The following PCDH15 variants were observed in gnomAD, a reference collection of about 807,000 sequenced individuals.
PCDH15 encodes protocadherin related 15, also known as protocadherin-15.
Under a neutral mutation model 178.5 loss-of-function variants are expected in PCDH15, and 129 were observed. That is an observed-to-expected ratio of 0.72 (90% CI 0.63 to 0.84). The LOEUF is 0.84. Ranked by LOEUF, PCDH15 falls within the 40% of genes least tolerant of loss-of-function variation. The pLI, the probability that PCDH15 is intolerant of heterozygous loss-of-function variation, is 0.00. For missense variants in PCDH15, 2,230 were observed against 2,099.9 expected, an observed-to-expected ratio of 1.06 and a Z score of -1.21; for synonymous variants, 800 against 732.0, an observed-to-expected ratio of 1.09 and a Z score of -1.50.
At chr10:55,535,975 AT>A (rs961635881) in intron 2 of PCDH15, among the ~76,000 whole-genome samples, 26 of 152,164 alleles carry the variant, frequency 1.7e-4, no homozygotes, top group Admixed American at 3.9e-4. Flanking sequence ...CATTTTAAAA[AT>A]ATATATATTT....
chr10:54,323,948 A>G (rs1417596857), intron 7 of PCDH15, among the ~76,000 whole-genome samples: 1 of 152,138 alleles, frequency 6.6e-6, no homozygotes, highest in Non-Finnish European at 1.5e-5. Flanking sequence ...TATGCAAACC[A>G]GTAGACAGAA....
intron 21 of PCDH15, among the ~76,000 whole-genome samples, chr10:53,980,380 A>G (rs1327828277): frequency 1.3e-5 from 2 of 152,172 alleles, no homozygotes; most frequent in Non-Finnish European, 2.9e-5. Flanking sequence ...ATATTTTAAA[A>G]ATGTGTGGGA....
intron 2 of PCDH15, among the ~76,000 whole-genome samples, chr10:54,908,530 C>CA (rs1954764564): frequency 6.6e-6 from 1 of 152,182 alleles, no homozygotes; most frequent in Non-Finnish European, 1.5e-5. Flanking sequence ...TCACCTGCAA[C>CA]ATGGCAGGCA....
intron 2 of PCDH15, among the ~76,000 whole-genome samples, chr10:55,419,967 C>A (rs568548074): frequency 2.0e-5 from 3 of 151,508 alleles, no homozygotes; most frequent in Non-Finnish European, 3.0e-5. Flanking sequence ...GGCTCATTAG[C>A]GAAAATTAAT....
chr10:54,843,474 G>C (rs1564561002), intron 3 of PCDH15, among the ~76,000 whole-genome samples: 1 of 151,948 alleles, frequency 6.6e-6, no homozygotes, highest in East Asian at 1.9e-4. Context: ...CTGACAGGCT[G>C]ACACTTGATC....
chr10:54,706,495 G>A (rs1329814106), intron 1 of PCDH15, among the ~76,000 whole-genome samples: 5 of 152,208 alleles, frequency 3.3e-5, no homozygotes, highest in South Asian at 4.1e-4. Flanking sequence ...GATGGTATGG[G>A]ATAGTAATAT....
chr10:54,192,182 G>GAA (rs1564643830), intron 11 of PCDH15, among the ~76,000 whole-genome samples: 1 of 132,526 alleles, frequency 7.5e-6, no homozygotes, highest in African/African-American at 3.5e-5. Context: ...AAAAGAAAGA[G>GAA]AAAGAAAGAA....
rs180900194 is a variant in PCDH15, at chr10:54,397,072, T to C, written c.158-18130A>G. 9.3e-4 allele frequency among the ~76,000 whole-genome samples: 142 copies of C among 152,254 alleles called. 1 individual carries two copies. The highest frequency in any genetic ancestry group is 3.3e-3 in the African/African-American group (139 of 41,568). On this transcript the variant is annotated intron_variant, in intron 3 of 37. Coordinates refer to ENST00000644397, the MANE Select transcript of PCDH15 (RefSeq NM_001384140.1). Reference sequence around the variant, plus strand: ...GTCAAACCGAGCAAGATGGCTTTAATATTGCCCTCATCTTGACGAAACTTT... The same window carrying C: ...GTCAAACCGAGCAAGATGGCTTTAACATTGCCCTCATCTTGACGAAACTTT...
intron 8 of PCDH15, among the ~76,000 whole-genome samples, chr10:54,245,098 A>C (rs191798189): frequency 4.1e-4 from 63 of 152,218 alleles, no homozygotes; most frequent in Non-Finnish European, 7.1e-4. Context: ...TTTCACCCTC[A>C]ATCTCTCCAT....
At chr10:55,524,044 C>T (rs561126891) in intron 2 of PCDH15, among the ~76,000 whole-genome samples, 64 of 147,252 alleles carry the variant, frequency 4.3e-4, no homozygotes, top group African/African-American at 1.4e-3. Flanking sequence ...TGAAAACTGG[C>T]GTACATGTAA....
At chr10:55,364,511 C>T (rs1845306217) in intron 2 of PCDH15, among the ~76,000 whole-genome samples, 1 of 151,946 alleles carries the variant, frequency 6.6e-6, no homozygotes, top group Non-Finnish European at 1.5e-5. Context: ...ATTTATATAT[C>T]TCTGGTCTTT....
intron 2 of PCDH15, among the ~76,000 whole-genome samples, chr10:54,931,148 T>C (rs986668950): frequency 6.6e-6 from 1 of 152,196 alleles, no homozygotes; most frequent in Non-Finnish European, 1.5e-5. Context: ...TTTCTGAGCA[T>C]TTGAAAACTG....
chr10:54,387,024 A>G (rs1386096110), intron 3 of PCDH15, among the ~76,000 whole-genome samples: 5 of 152,204 alleles, frequency 3.3e-5, no homozygotes, highest in Non-Finnish European at 7.3e-5. Flanking sequence ...GAAGTGAGGT[A>G]ATACATATGT....
intron 22 of PCDH15, among the ~76,000 whole-genome samples, chr10:53,961,288 A>G (rs920413360): frequency 6.6e-6 from 1 of 152,090 alleles, no homozygotes; most frequent in Non-Finnish European, 1.5e-5. Flanking sequence ...AAGTAGTTGC[A>G]TGATAGCATT....
At chr10:55,185,934 C>T (rs1839788423) in intron 1 of PCDH15, among the ~76,000 whole-genome samples, 1 of 151,554 alleles carries the variant, frequency 6.6e-6, no homozygotes, top group South Asian at 2.1e-4. Flanking sequence ...AATAGTTACG[C>T]ATTTCAATAT....
At chr10:54,193,832 C>A (rs1409193868) in intron 11 of PCDH15, among the ~76,000 whole-genome samples, 1 of 151,976 alleles carries the variant, frequency 6.6e-6, no homozygotes, top group Non-Finnish European at 1.5e-5. Context: ...GGCTTAAGGT[C>A]CATTTCTACT....
chr10:54,067,975 T>A (rs968608941), intron 17 of PCDH15, among the ~76,000 whole-genome samples: 16 of 142,042 alleles, frequency 1.1e-4, no homozygotes, highest in South Asian at 2.2e-4. Flanking sequence ...ATTTTTTATT[T>A]TTTTTTATTT....
chr10:54,951,150 A>G (rs1838327697), intron 2 of PCDH15, among the ~76,000 whole-genome samples: 1 of 151,892 alleles, frequency 6.6e-6, no homozygotes, highest in South Asian at 2.1e-4. Flanking sequence ...AGAGAATGAC[A>G]TGTGTCCACC....
At chr10:55,303,534 G>T (rs560985344) in intron 1 of PCDH15, among the ~76,000 whole-genome samples, 1 of 152,276 alleles carries the variant, frequency 6.6e-6, no homozygotes, top group African/African-American at 2.4e-5. Context: ...AGGAATGAGG[G>T]TTTTGAACTG....
Sources: gnomAD v4.1 joint callset for allele counts (sites outside exome capture counted in the v4.1 genomes callset) on GRCh38, gnomAD v4.1.1 for gene constraint, MANE v1.5 for transcripts, NCBI Gene and HGNC (gene_info 2026-07-23, HGNC 2026-07-21) for gene names.